TRIM58: variants seen among roughly 807,000 people sequenced by gnomAD.
The protein encoded by TRIM58 is tripartite motif containing 58, also known as E3 ubiquitin-protein ligase TRIM58.
Under a neutral mutation model 34.1 loss-of-function variants are expected in TRIM58, and 38 were observed. The observed-to-expected ratio is 1.12, with a 90% CI of 0.86 to 1.46. The LOEUF (loss-of-function observed/expected upper bound fraction) is 1.46. Among genes scored for constraint, TRIM58 ranks in the 40% most tolerant of loss-of-function variants. The pLI is 0.00. For missense variants in TRIM58, 677 were observed against 642.0 expected, an observed-to-expected ratio of 1.05 and a Z score of -0.59; for synonymous variants, 273 against 275.7, an observed-to-expected ratio of 0.99 and a Z score of 0.10.
rs753518237 is a variant in TRIM58, at chr1:247,876,498, T to C, written c.*9T>C. The C allele has an allele frequency of 1.2e-6, 2 of 1,607,890 alleles. No individual in the cohort carries two copies. The highest frequency in any genetic ancestry group is 1.7e-6 in the Non-Finnish European group (2 of 1,175,962). ...GAGATGATCATCTCTAAAATTCTGTTCCCAAGATGCAGTCCTAGCGTAGCG... is the reference window on the plus strand; with the variant it reads ...GAGATGATCATCTCTAAAATTCTGTCCCCAAGATGCAGTCCTAGCGTAGCG... On this transcript the variant is annotated 3_prime_UTR_variant, in exon 6 of 6. Coordinates refer to ENST00000366481, the MANE Select transcript of TRIM58 (RefSeq NM_015431.4).
At chr1:247,869,561 T>C (rs1478474034) in intron 5 of TRIM58, among the ~76,000 whole-genome samples, 1 of 152,226 alleles carries the variant, frequency 6.6e-6, no homozygotes, top group Non-Finnish European at 1.5e-5. Context: ...AGACCAAATA[T>C]ATACTTCCCA....
intron 5 of TRIM58, among the ~76,000 whole-genome samples, chr1:247,872,587 G>A (rs1659163474): frequency 1.3e-5 from 2 of 152,174 alleles, no homozygotes; most frequent in African/African-American, 4.8e-5. Flanking sequence ...ATATTCAAAT[G>A]TTGCTATCAA....
intron 1 of TRIM58, among the ~76,000 whole-genome samples, chr1:247,858,200 C>G (rs1341757712): frequency 6.6e-6 from 1 of 152,054 alleles, no homozygotes; most frequent in Admixed American, 6.6e-5. Flanking sequence ...GCACGTGCCT[C>G]CTGAAGTAGG....
In TRIM58 at chr1:247,876,851, C is replaced by A; in HGVS notation, c.*362C>A. 1 of 228,908 alleles carries A rather than the reference C, an allele frequency of 4.4e-6. No individual in the cohort carries two copies. Among genetic ancestry groups the A allele is most frequent in the Non-Finnish European group, 8.6e-6 (1 of 115,740 alleles). The allele number at this position is 228,908 out of a possible 1,614,324, so 14.2% of individuals were successfully genotyped here. A position where few individuals can be genotyped will look rare whatever the true frequency, so the allele number is the denominator to read the frequency against. ...TCTTCCATATAAGAATTAGACATGG[C>A]AATTCTTAAATTGATTCAGAATGGT... On this transcript the variant is annotated 3_prime_UTR_variant, in exon 6 of 6. Transcript: ENST00000366481.
intron 5 of TRIM58, among the ~76,000 whole-genome samples, chr1:247,870,085 C>T (rs1659067099): frequency 2.0e-5 from 3 of 152,114 alleles, no homozygotes. Context: ...GTCTGTCTTC[C>T]TGCAATATGA....
chr1:247,879,673 C>G lies in TRIM58; in HGVS notation c.*3184C>G, dbSNP rs1472176863. On this transcript the variant is annotated 3_prime_UTR_variant, in exon 6 of 6. Transcript: ENST00000366481. ...CCCTTTGCATTCTGCTCCAGCTGCC[C>G]TGGCCTCATGGCTGGGTTTCCACCA... 6.6e-6 allele frequency among the ~76,000 whole-genome samples: 1 copy of G among 151,678 alleles called. No homozygotes were observed. The highest frequency in any genetic ancestry group is 1.5e-5 in the Non-Finnish European group (1 of 67,972).
Position 247,857,679 on chromosome 1 carries a change from C to A in TRIM58, c.420+13C>A. On this transcript the variant is annotated intron_variant, in intron 1 of 5. Coordinates refer to ENST00000366481, the MANE Select transcript of TRIM58 (RefSeq NM_015431.4). ...CGGCAGCTACCAGGTGAGGCGCCCC[C>A]CGGCGGGGGCTGCGGGCGCTGCGGT... 8.2e-7 allele frequency: 1 copy of A among 1,222,944 alleles called. No homozygotes were observed. 75.8% of individuals were successfully genotyped at this position (1,222,944 alleles called of 1,614,324 possible).
intron 1 of TRIM58, 130 bp downstream of exon 1, chr1:247,857,796 T>TC (rs888237982): frequency 3.4e-5 from 40 of 1,160,384 alleles, no homozygotes; most frequent in African/African-American, 2.6e-4. Context: ...CCGCGCGCCG[T>TC]CCCCCCCGCC....
At chr1:247,870,302 G>A (rs1659083894) in intron 5 of TRIM58, among the ~76,000 whole-genome samples, 1 of 152,004 alleles carries the variant, frequency 6.6e-6, no homozygotes, top group Non-Finnish European at 1.5e-5. Context: ...TTCATGAGCA[G>A]TATCAGAGTC....
intron 5 of TRIM58, among the ~76,000 whole-genome samples, chr1:247,871,669 A>T (rs191297783): frequency 3.9e-5 from 6 of 152,170 alleles, no homozygotes; most frequent in African/African-American, 1.4e-4. Context: ...GCAACCTCAT[A>T]TCCATATTTG....
chr1:247,876,344 T>C lies in TRIM58; in HGVS notation c.1316T>C (p.Leu439Pro). The C allele has an allele frequency of 6.2e-7, 1 of 1,614,174 alleles. No individual in the cohort carries two copies. Among genetic ancestry groups the C allele is most frequent in the Non-Finnish European group, 8.5e-7 (1 of 1,180,022 alleles). ...DGSYIYTFNQ[L>P]FSGLLRPYFF... is the part of the protein sequence containing the mutation. ...TCTTATATCTACACATTCAACCAACTCTTCTCTGGTCTTCTTCGGCCTTAC... is the reference window on the plus strand; with the variant it reads ...TCTTATATCTACACATTCAACCAACCCTTCTCTGGTCTTCTTCGGCCTTAC... The change falls in exon 6 of 6, where the codon CTC (leucine) becomes CCC (proline). Residue 439 changes from leucine to proline, a missense_variant. By Grantham distance (98) the Leu-to-Pro change is moderately conservative. Coordinates refer to ENST00000366481, the MANE Select transcript of TRIM58 (RefSeq NM_015431.4).
At chr1:247,858,618 C>T (rs1189819914) in intron 1 of TRIM58, among the ~76,000 whole-genome samples, 1 of 152,072 alleles carries the variant, frequency 6.6e-6, no homozygotes, top group African/African-American at 2.4e-5. Context: ...CTACCAATAT[C>T]TCTCTTGGTA....
intron 1 of TRIM58, 131 bp downstream of exon 1, chr1:247,857,797 C>T (rs984604938): frequency 4.3e-5 from 49 of 1,143,678 alleles, no homozygotes; most frequent in Non-Finnish European, 3.8e-5. Context: ...CGCGCGCCGT[C>T]CCCCCCGCCC....
intron 1 of TRIM58, among the ~76,000 whole-genome samples, chr1:247,859,227 G>A (rs1459620017): frequency 6.6e-6 from 1 of 152,024 alleles, no homozygotes; most frequent in Non-Finnish European, 1.5e-5. Context: ...AAATTTAGCC[G>A]AATCACTGTT....
At position 247,875,924 on chromosome 1, in the gene TRIM58, C is replaced by T. The variant is rs565939415; in HGVS notation, c.896C>T (p.Thr299Met). 2.2e-5 allele frequency: 36 copies of T among 1,612,718 alleles called. No homozygotes were observed. The highest frequency in any genetic ancestry group is 1.2e-4 in the Admixed American group (7 of 59,900). ...FQVDVKLDPA[T>M]AHPSLLLTAD... ...GTGGATGTAAAGCTGGATCCCGCCA[C>T]GGCGCACCCGAGTCTGCTCTTGACC... Residue 299 changes from threonine (T) to methionine (M), a missense_variant, in exon 6 of 6, where the codon ACG (threonine) becomes ATG (methionine). By Grantham distance (81) the Thr-to-Met change is moderately conservative. Coordinates refer to ENST00000366481, the MANE Select transcript of TRIM58 (RefSeq NM_015431.4).
chr1:247,857,991 G>A (rs1005947996), intron 1 of TRIM58, among the ~76,000 whole-genome samples: 12 of 152,242 alleles, frequency 7.9e-5, no homozygotes, highest in Non-Finnish European at 1.6e-4. Flanking sequence ...CGGGAGGGCT[G>A]TGTGGTCCAG....
At chr1:247,873,295 C>G (rs780877463) in intron 5 of TRIM58, among the ~76,000 whole-genome samples, 1 of 152,000 alleles carries the variant, frequency 6.6e-6, no homozygotes, top group Non-Finnish European at 1.5e-5. Context: ...GATGGACATG[C>G]GCAGTTTGGT....
intron 5 of TRIM58, among the ~76,000 whole-genome samples, chr1:247,872,710 A>G (rs1040665627): frequency 7.2e-5 from 11 of 152,224 alleles, no homozygotes; most frequent in Non-Finnish European, 1.0e-4. Context: ...TGAACCAGCC[A>G]GCACCCGGGT....
In TRIM58 at chr1:247,857,562, T is replaced by C. The variant is rs1663664625; in HGVS notation, c.316T>C (p.Phe106Leu). Residue 106 changes from phenylalanine (F) to leucine (L), a missense_variant, in exon 1 of 6, where the codon TTC becomes CTC. Transcript: ENST00000366481. ...CARHGEDLSR[F>L]CEEDEAALCW... ...GCGGCACGGCGAGGACCTGAGCCGC[T>C]TCTGCGAGGAGGACGAGGCGGCGCT... The C allele has an allele frequency of 1.6e-6, 2 of 1,269,268 alleles. No individual in the cohort carries two copies. The highest frequency in any genetic ancestry group is 2.0e-6 in the Non-Finnish European group (2 of 1,012,042). 78.6% of individuals were successfully genotyped at this position (1,269,268 alleles called of 1,614,324 possible). A position where few individuals can be genotyped will look rare whatever the true frequency, so the allele number is the denominator to read the frequency against.
Sources: allele counts gnomAD v4.1 joint callset (sites outside exome capture counted in the v4.1 genomes callset), GRCh38; gene constraint gnomAD v4.1.1; transcripts MANE v1.5; gene names NCBI Gene and HGNC (gene_info 2026-07-23, HGNC 2026-07-21).